Variants in PPP4R3A observed in about 807,000 individuals in gnomAD.
PPP4R3A encodes the protein protein phosphatase 4 regulatory subunit 3A, also known as serine/threonine-protein phosphatase 4 regulatory subunit 3A.
In PPP4R3A, 15 loss-of-function variants were observed where a neutral mutation model predicts 91.7. That is an observed-to-expected ratio of 0.16 (90% CI 0.11 to 0.25). PPP4R3A has a LOEUF of 0.25. PPP4R3A is among the 10% of genes least tolerant of loss of function. PPP4R3A has a pLI of 1.00. For synonymous variants in PPP4R3A, 377 were observed against 348.7 expected (o/e 1.08, Z -0.91); for missense variants, 623 against 998.4 (o/e 0.62, Z 5.07).
intron 1 of PPP4R3A, among the ~76,000 whole-genome samples, chr14:91,501,026 T>C (rs1214580618): frequency 6.6e-6 from 1 of 152,084 alleles, no homozygotes; most frequent in African/African-American, 2.4e-5. Flanking sequence ...ACCAAGACCC[T>C]GTCTCTAAAA....
intron 4 of PPP4R3A, 63 bp from the exon 5 acceptor site, chr14:91,477,049 G>A (rs1190524201): frequency 7.6e-7 from 1 of 1,317,530 alleles, no homozygotes; most frequent in Non-Finnish European, 1.1e-6. Flanking sequence ...TATAATTTCA[G>A]GAATGCTTTA....
chr14:91,465,130 C>CTTT, intron 11 of PPP4R3A, 120 bp downstream of exon 11: 3 of 620,442 alleles, frequency 4.8e-6, no homozygotes, highest in Non-Finnish European at 7.2e-6. Context: ...GCTTTTAGTA[C>CTTT]TTTTTTTTTT....
chr14:91,462,903 A>AATG, intron 11 of PPP4R3A, 26 bp from the exon 12 acceptor site: 2 of 1,550,918 alleles, frequency 1.3e-6, no homozygotes, highest in Non-Finnish European at 1.8e-6. Context: ...GTAATGAAAA[A>AATG]ATGATAGGAA....
chr14:91,506,251 A>G (rs544012484), intron 1 of PPP4R3A, among the ~76,000 whole-genome samples: 1 of 152,160 alleles, frequency 6.6e-6, no homozygotes, highest in Non-Finnish European at 1.5e-5. Flanking sequence ...CCGGCCGAAA[A>G]TATCTTTAGG....
chr14:91,508,194 T>G (rs1163123250), intron 1 of PPP4R3A, among the ~76,000 whole-genome samples: 1 of 152,194 alleles, frequency 6.6e-6, no homozygotes, highest in Non-Finnish European at 1.5e-5. Flanking sequence ...ATTCAAAAAT[T>G]TTTAAATGCC....
chr14:91,499,683 T>C (rs1410871632), intron 1 of PPP4R3A, among the ~76,000 whole-genome samples: 1 of 151,842 alleles, frequency 6.6e-6, no homozygotes, highest in Admixed American at 6.6e-5. Flanking sequence ...TAGCTGGGCA[T>C]GGTGGTGCGT....
At chr14:91,474,570 T>A (rs191240768) in intron 7 of PPP4R3A, 2 of 152,256 alleles carry the variant, frequency 1.3e-5, no homozygotes, top group African/African-American at 4.8e-5. Flanking sequence ...CATGGGTTAA[T>A]GGGACCAACA....
At chr14:91,460,806 A>G (rs960829910) in intron 14 of PPP4R3A, among the ~76,000 whole-genome samples, 2 of 151,876 alleles carry the variant, frequency 1.3e-5, no homozygotes, top group Non-Finnish European at 2.9e-5. Context: ...TTTTTAGTAG[A>G]AACGGGGTTT....
At chr14:91,465,011 T>C (rs1432754450) in intron 11 of PPP4R3A, among the ~76,000 whole-genome samples, 2 of 152,200 alleles carry the variant, frequency 1.3e-5, no homozygotes, top group African/African-American at 4.8e-5. Flanking sequence ...TGCAGCCTGG[T>C]TCCTAACAGG....
intron 9 of PPP4R3A, among the ~76,000 whole-genome samples, chr14:91,472,257 G>C (rs12588084): frequency 0.02 from 2,963 of 151,830 alleles, 55 homozygotes; most frequent in Admixed American, 0.05. Flanking sequence ...AATAAAAGTA[G>C]CTTAATATTG....
Position 91,481,839 on chromosome 14 carries a change from T to C in PPP4R3A, c.652A>G (p.Met218Val), listed in dbSNP as rs1323035299. Residue 218 changes from methionine to valine, a missense_variant, in exon 4 of 15, where the codon ATG (methionine) becomes GTG (valine). Met to Val is a conservative substitution (Grantham distance 21). Around this residue, in one of 5 missense-constraint regions of PPP4R3A, gnomAD observed 264 missense variants for 377.3 expected, o/e 0.70. Transcript: ENST00000554943. ...TATTCTAAACATCCAATGACGTCCA[T>C]TATACATTCTTCAGAGAACATAACT... ...FEVMFSEECI[M>V]DVIGCLEYDP... The C allele has an allele frequency of 1.2e-6, 2 of 1,614,170 alleles. No individual in the cohort carries two copies. The highest frequency in any genetic ancestry group is 1.3e-5 in the African/African-American group (1 of 75,062).
At chr14:91,487,593 C>T (rs1055917107) in intron 2 of PPP4R3A, among the ~76,000 whole-genome samples, 1 of 152,180 alleles carries the variant, frequency 6.6e-6, no homozygotes, top group Non-Finnish European at 1.5e-5. Flanking sequence ...ACTGGGTATC[C>T]ATCAGGATGA....
intron 3 of PPP4R3A, 34 bp downstream of exon 3, chr14:91,485,594 TAAAG>T (rs781338797): frequency 1.1e-5 from 16 of 1,458,888 alleles, no homozygotes; most frequent in Non-Finnish European, 1.2e-5. Flanking sequence ...ACTAAACACT[TAAAG>T]AAAGCATGTT....
chr14:91,490,376 C>T (rs1890166277), intron 2 of PPP4R3A, among the ~76,000 whole-genome samples: 3 of 152,126 alleles, frequency 2.0e-5, no homozygotes, highest in Admixed American at 2.0e-4. Flanking sequence ...CTACACAGTA[C>T]TGCTGTAGAG....
intron 1 of PPP4R3A, among the ~76,000 whole-genome samples, chr14:91,495,554 T>C (rs552741892): frequency 6.6e-6 from 1 of 152,234 alleles, no homozygotes; most frequent in African/African-American, 2.4e-5. Flanking sequence ...TGATTGCTAA[T>C]GGGCACATGA....
intron 12 of PPP4R3A, 28 bp downstream of exon 12, chr14:91,462,707 G>A (rs368880847): frequency 4.7e-5 from 75 of 1,612,118 alleles, no homozygotes; most frequent in Non-Finnish European, 5.9e-5. Context: ...GATGCTGAAC[G>A]AATAGGTTTA....
At chr14:91,478,495 T>C (rs1889343985) in intron 4 of PPP4R3A, among the ~76,000 whole-genome samples, 1 of 152,240 alleles carries the variant, frequency 6.6e-6, no homozygotes, top group Non-Finnish European at 1.5e-5. Flanking sequence ...CAGCAGCACT[T>C]TGGATAGAAG....
intron 1 of PPP4R3A, among the ~76,000 whole-genome samples, chr14:91,503,173 A>C (rs1891064261): frequency 1.3e-5 from 2 of 152,096 alleles, no homozygotes; most frequent in Non-Finnish European, 2.9e-5. Flanking sequence ...CTTTTTGTGG[A>C]GACAGGGTCT....
Position 91,497,341 on chromosome 14 carries a change from T to TACACACAC in PPP4R3A, c.143-6547_143-6540dup, listed in dbSNP as rs10542688. Among the ~76,000 whole-genome samples, 434 of 148,510 alleles carry TACACACAC rather than the reference T, an allele frequency of 2.9e-3. 2 individuals carry two copies. Among genetic ancestry groups the TACACACAC allele is most frequent in the East Asian group, 0.016 (81 of 4,996 alleles). ...TATCTCCCAAGAGGAATCTTTTATT[T>TACACACAC]ACACACACACACACACACACACACA... On this transcript the variant is annotated intron_variant, in intron 1 of 14. Transcript: ENST00000554943.
Sources: allele counts gnomAD v4.1 joint callset (sites outside exome capture counted in the v4.1 genomes callset), GRCh38; gene constraint gnomAD v4.1.1; regional missense constraint gnomAD v4.1.1; transcripts MANE v1.5; gene names NCBI Gene and HGNC (gene_info 2026-07-23, HGNC 2026-07-21).